The following PHKA1 variants were observed in gnomAD, a reference collection of about 807,000 sequenced individuals.
PHKA1 encodes phosphorylase b kinase regulatory subunit alpha, skeletal muscle isoform.
Under a neutral mutation model 110.2 loss-of-function variants are expected in PHKA1, and 60 were observed. The ratio of observed to expected loss-of-function variants is 0.54; its 90% CI spans 0.44 to 0.68. The LOEUF is 0.68. Ranked by LOEUF, PHKA1 falls within the 30% of genes least tolerant of loss-of-function variation. The pLI is 0.00. For synonymous variants in PHKA1, 316 were observed against 333.6 expected (o/e 0.95, Z 0.58); for missense variants, 801 against 942.5 (o/e 0.85, Z 1.97).
intron 14 of PHKA1, among the ~76,000 whole-genome samples, chrX:72,638,810 G>A (rs184702093): frequency 8.1e-4 from 91 of 111,856 alleles, no homozygotes; most frequent in Non-Finnish European, 1.5e-3. Context: ...TTTTGTCTCC[G>A]TAGAACAGTG....
chrX:72,582,701 G>C (rs1443976408), intron 30 of PHKA1, 103 bp from the exon 31 acceptor site: 1 of 565,203 alleles, frequency 1.8e-6, no homozygotes, highest in Admixed American at 2.7e-5. Flanking sequence ...CATGAGCATT[G>C]ATTCAGCCCC....
intron 28 of PHKA1, among the ~76,000 whole-genome samples, chrX:72,599,030 G>T (rs782223819): frequency 5.4e-5 from 6 of 110,387 alleles, no homozygotes; most frequent in Non-Finnish European, 9.5e-5. Flanking sequence ...ACCAGAAAGG[G>T]TATAGATCTG....
chrX:72,621,414 A>C (rs1283278754), intron 18 of PHKA1, among the ~76,000 whole-genome samples: 1 of 111,877 alleles, frequency 8.9e-6, no homozygotes, highest in Admixed American at 9.5e-5. Flanking sequence ...TCAGTGGTGA[A>C]GAGGATGGAT....
At chrX:72,682,259 G>A (rs1212764658) in intron 5 of PHKA1, among the ~76,000 whole-genome samples, 4 of 94,670 alleles carry the variant, frequency 4.2e-5, no homozygotes, top group African/African-American at 7.7e-5. Flanking sequence ...CCCCCCGCCC[G>A]GCCAGCCGCC....
intron 3 of PHKA1, among the ~76,000 whole-genome samples, chrX:72,702,381 C>T (rs988833245): frequency 4.6e-5 from 5 of 108,215 alleles, no homozygotes; most frequent in Non-Finnish European, 7.7e-5. Context: ...ACCCGGGAGG[C>T]GGAGGTTGCA....
chrX:72,593,199 G>A lies in PHKA1; in HGVS notation c.3148C>T (p.Arg1050Cys), dbSNP rs1197551600. The change falls in exon 29 of 32, where the codon CGT becomes TGT. Residue 1050 changes from arginine (R) to cysteine (C), a missense_variant. This residue lies in a region of PHKA1 where 502 missense variants were observed against 519.2 expected (regional missense o/e 0.97). Coordinates refer to ENST00000373542, the MANE Select transcript of PHKA1 (RefSeq NM_002637.4). ...AYDQQSSKDSRQGQWQRRRRL... is the reference protein window; with the variant it reads ...AYDQQSSKDSCQGQWQRRRRL... ...CTTCGGCGTTGCCATTGACCTTGACGACTATCTTTAGATGACTGCTGATCA... is the reference window on the plus strand; with the variant it reads ...CTTCGGCGTTGCCATTGACCTTGACAACTATCTTTAGATGACTGCTGATCA... 7.5e-6 allele frequency: 9 copies of A among 1,195,579 alleles called. No homozygotes were observed. Among genetic ancestry groups the A allele is most frequent in the African/African-American group, 1.8e-5 (1 of 57,055 alleles).
intron 28 of PHKA1, among the ~76,000 whole-genome samples, chrX:72,599,428 A>G (rs1317754880): frequency 9.0e-6 from 1 of 111,622 alleles, no homozygotes; most frequent in Non-Finnish European, 1.9e-5. Flanking sequence ...ATATTTACTA[A>G]ATGAATTCAT....
intron 17 of PHKA1, among the ~76,000 whole-genome samples, chrX:72,623,568 T>C (rs1465582304): frequency 9.0e-6 from 1 of 110,948 alleles, no homozygotes; most frequent in Non-Finnish European, 1.9e-5. Context: ...ATGCCAAACA[T>C]CTGGTAAAAA....
intron 13 of PHKA1, among the ~76,000 whole-genome samples, chrX:72,645,192 C>T (rs1261772616): frequency 9.0e-6 from 1 of 111,557 alleles, no homozygotes. Context: ...TTTTCACTTT[C>T]GCTATATGGA....
intron 14 of PHKA1, among the ~76,000 whole-genome samples, chrX:72,637,779 T>C (rs1361400100): frequency 2.7e-5 from 3 of 111,697 alleles, no homozygotes; most frequent in Non-Finnish European, 5.6e-5. Flanking sequence ...AAATCATCAT[T>C]TGGGCTCTTG....
At chrX:72,611,673 TTTAAAGA>T (rs1409366779) in intron 21 of PHKA1, among the ~76,000 whole-genome samples, 1 of 112,104 alleles carries the variant, frequency 8.9e-6, no homozygotes, top group Non-Finnish European at 1.9e-5. Context: ...ATAGATGGCT[TTTAAAGA>T]TAGGAAAAGG....
intron 8 of PHKA1, chrX:72,660,667 AT>A (rs1357918216): frequency 3.0e-6 from 1 of 333,880 alleles, no homozygotes; most frequent in East Asian, 7.0e-5. Context: ...ATTATGAGAA[AT>A]TAAATAAATT....
Position 72,684,100 on chromosome X carries a change from A to T in PHKA1, c.537+398T>A, listed in dbSNP as rs782519959. On this transcript the variant is annotated intron_variant, in intron 5 of 31. Transcript: ENST00000373542. ...TAACTTATTTGCATTGTAAGCACTG[A>T]ATCAACACCTACAGATAATATTACA... Among the ~76,000 whole-genome samples, 10 of 112,459 alleles carry T rather than the reference A, an allele frequency of 8.9e-5. No individual in the cohort carries two copies. In the East Asian group the frequency reaches 2.8e-3, roughly 31 times the overall value.
intron 20 of PHKA1, 108 bp from the exon 21 acceptor site, chrX:72,618,957 T>C: frequency 1.3e-6 from 1 of 752,310 alleles, no homozygotes; most frequent in Admixed American, 2.4e-5. Context: ...CAAGGAATTC[T>C]TTAAATACTA....
Position 72,618,829 on chromosome X carries a change from T to G in PHKA1, c.2250A>C (p.Glu750Asp). ...QENQVPSVRV[E>D]IHLPRDQSGE... ...CAGACTGGTCTCTAGGAAGATGTATTTCTACACGAACAGAGGGAACCTTTA... is the reference window on the plus strand; with the variant it reads ...CAGACTGGTCTCTAGGAAGATGTATGTCTACACGAACAGAGGGAACCTTTA... The change falls in exon 21 of 32, where the codon GAA becomes GAC. Residue 750 changes from glutamate (E) to aspartate (D), a missense_variant. This residue lies in a region of PHKA1 where 502 missense variants were observed against 519.2 expected (regional missense o/e 0.97). Coordinates refer to ENST00000373542, the MANE Select transcript of PHKA1 (RefSeq NM_002637.4). The G allele has an allele frequency of 1.7e-6, 2 of 1,205,566 alleles. No homozygotes were observed. The highest frequency in any genetic ancestry group is 2.2e-6 in the Non-Finnish European group (2 of 890,076).
chrX:72,636,323 G>C lies in PHKA1; in HGVS notation c.1523C>G (p.Ser508Ter). 8.3e-7 allele frequency: 1 copy of C among 1,205,868 alleles called. No homozygotes were observed. Among genetic ancestry groups the C allele is most frequent in the Non-Finnish European group, 1.1e-6 (1 of 890,195 alleles). ...PYRHMGVLGT[S>*]KLYDIRKTIF... ...AGTTTTCCGAATGTCATAGAGTTTT[G>C]AAGTTCCAAGCACTCCCATGTGTCT... The change falls in exon 15 of 32, where the codon TCA (serine) becomes TGA (stop). Residue 508 changes from serine (S) to a stop codon, truncating the protein, a stop_gained. Coordinates refer to ENST00000373542, the MANE Select transcript of PHKA1 (RefSeq NM_002637.4). LOFTEE classifies it high-confidence loss of function.
At chrX:72,678,854 G>C (rs1556312899) in intron 5 of PHKA1, among the ~76,000 whole-genome samples, 1 of 112,349 alleles carries the variant, frequency 8.9e-6, no homozygotes, top group East Asian at 2.8e-4. Context: ...ACTGTTGTAA[G>C]AGTTTGCAGG....
chrX:72,650,322 C>T, intron 13 of PHKA1, 68 bp downstream of exon 13: 2 of 849,690 alleles, frequency 2.4e-6, no homozygotes, highest in Non-Finnish European at 3.5e-6. Context: ...ATTTACTAGC[C>T]TAAAGATCTC....
chrX:72,625,298 T>C (rs1396785198), intron 17 of PHKA1, among the ~76,000 whole-genome samples: 1 of 111,623 alleles, frequency 9.0e-6, no homozygotes. Context: ...TGTTTCCTTT[T>C]TTGTGTCCAT....
Sources: gnomAD v4.1 joint callset for allele counts (sites outside exome capture counted in the v4.1 genomes callset) on GRCh38, gnomAD v4.1.1 for gene constraint, gnomAD v4.1.1 regional missense constraint, MANE v1.5 for transcripts, NCBI Gene and HGNC (gene_info 2026-07-23, HGNC 2026-07-21) for gene names.